COL25A1: variants seen among roughly 807,000 people sequenced by gnomAD.
The protein encoded by COL25A1 is collagen alpha-1(XXV) chain.
In COL25A1, 103 loss-of-function variants were observed where a neutral mutation model predicts 128.4. The observed-to-expected ratio is 0.80, with a 90% CI of 0.68 to 0.94. The LOEUF is 0.94. Among genes scored for constraint, COL25A1 ranks in the 40% least tolerant of loss-of-function variants. The probability of loss-of-function intolerance (pLI) is 0.00; values close to 1 mark genes in which losing one functional copy is unlikely to be tolerated. For missense variants in COL25A1, 745 were observed against 840.0 expected, an observed-to-expected ratio of 0.89 and a Z score of 1.40; for synonymous variants, 279 against 277.2, an observed-to-expected ratio of 1.01 and a Z score of -0.06.
At chr4:109,237,562 G>A (rs957803231) in intron 3 of COL25A1, among the ~76,000 whole-genome samples, 7 of 149,092 alleles carry the variant, frequency 4.7e-5, no homozygotes, top group African/African-American at 1.7e-4. Flanking sequence ...AAATTGGCAA[G>A]TTTCCACTGG....
chr4:108,892,203 A>G (rs1481255723), intron 16 of COL25A1, among the ~76,000 whole-genome samples: 1 of 152,210 alleles, frequency 6.6e-6, no homozygotes, highest in Non-Finnish European at 1.5e-5. Context: ...CGTCTTAAGT[A>G]TACTCTTAGC....
intron 36 of COL25A1, 123 bp downstream of exon 36, chr4:108,819,129 C>T: frequency 3.3e-6 from 2 of 613,608 alleles, no homozygotes; most frequent in Middle Eastern, 2.7e-4. Flanking sequence ...TGTTCATGCA[C>T]ATGCATGTAG....
At chr4:109,024,714 T>A (rs1227863739) in intron 5 of COL25A1, among the ~76,000 whole-genome samples, 1 of 152,232 alleles carries the variant, frequency 6.6e-6, no homozygotes, top group Non-Finnish European at 1.5e-5. Context: ...ATTAAGTTGT[T>A]AATTTTTTTC....
Position 109,053,152 on chromosome 4 carries a change from G to A in COL25A1, c.368-2973C>T, listed in dbSNP as rs79969310. ...TGAATTACAGAAAACAGAGAGAGAC[G>A]ACAAAACCAGATTGCTCTTCAGGAT... On this transcript the variant is annotated intron_variant, in intron 3 of 37. Coordinates refer to ENST00000399132, the MANE Select transcript of COL25A1 (RefSeq NM_198721.4). Among the ~76,000 whole-genome samples the A allele has an allele frequency of 4.8e-3, 725 of 152,094 alleles. 31 individuals carry two copies. In the East Asian group the frequency reaches 0.1, roughly 22 times the overall value.
intron 6 of COL25A1, 46 bp downstream of exon 6, chr4:109,010,312 G>T: frequency 6.7e-7 from 1 of 1,503,718 alleles, no homozygotes. Context: ...TCCACACTGG[G>T]AAAATCCTAA....
At chr4:108,982,541 A>G (rs1167977415) in intron 6 of COL25A1, among the ~76,000 whole-genome samples, 2 of 152,174 alleles carry the variant, frequency 1.3e-5, no homozygotes, top group Non-Finnish European at 2.9e-5. Flanking sequence ...AGCAACATAT[A>G]AAGCATTATA....
At chr4:108,960,430 A>G (rs1750556342) in intron 8 of COL25A1, among the ~76,000 whole-genome samples, 2 of 152,112 alleles carry the variant, frequency 1.3e-5, no homozygotes. Context: ...AAAATACAGT[A>G]ATTTTTGGTG....
chr4:109,044,519 A>T (rs1293843808), intron 5 of COL25A1, among the ~76,000 whole-genome samples: 1 of 152,098 alleles, frequency 6.6e-6, no homozygotes, highest in Non-Finnish European at 1.5e-5. Flanking sequence ...ATTGGAGCAC[A>T]TTTCATAATG....
chr4:108,908,305 C>T (rs1743773567), intron 13 of COL25A1, among the ~76,000 whole-genome samples: 1 of 152,154 alleles, frequency 6.6e-6, no homozygotes, highest in Non-Finnish European at 1.5e-5. Flanking sequence ...CTGAGTCTGT[C>T]TTCATCTTAC....
chr4:108,958,291 T>C (rs10005978), intron 8 of COL25A1, among the ~76,000 whole-genome samples: 46,100 of 151,818 alleles, frequency 0.3, 7,572 homozygotes, highest in South Asian at 0.46. Flanking sequence ...GAAATATTTA[T>C]AAGGGAAAAT....
At chr4:108,929,986 T>C (rs1283196549) in intron 11 of COL25A1, among the ~76,000 whole-genome samples, 4 of 152,184 alleles carry the variant, frequency 2.6e-5, no homozygotes, top group East Asian at 1.9e-4. Flanking sequence ...GATTTATTAA[T>C]TGATTAACTC....
intron 8 of COL25A1, among the ~76,000 whole-genome samples, chr4:108,944,433 A>G (rs1304209861): frequency 6.6e-6 from 1 of 152,186 alleles, no homozygotes; most frequent in Non-Finnish European, 1.5e-5. Context: ...TTATATATAA[A>G]CCTCATATTT....
At chr4:108,853,414 T>G (rs1014434713) in intron 24 of COL25A1, among the ~76,000 whole-genome samples, 2 of 151,958 alleles carry the variant, frequency 1.3e-5, no homozygotes, top group Non-Finnish European at 2.9e-5. Context: ...GTGCCATAAC[T>G]AAAGATATTA....
intron 19 of COL25A1, among the ~76,000 whole-genome samples, chr4:108,881,246 G>A (rs1740087673): frequency 6.6e-6 from 1 of 152,154 alleles, no homozygotes; most frequent in African/African-American, 2.4e-5. Context: ...ATAGATAGAT[G>A]AGTCTGCTGT....
rs1054752714 is a variant in COL25A1 at position 108,972,278 on chromosome 4, T to TA, written c.492+2088dup. The stretch of plus-strand genomic sequence containing the variant: ...GGTATTGGAATACAAACTCTACATT[T>TA]AAAAAAAAGAGAGCCTTTGGTCATC... On this transcript the variant is annotated intron_variant, in intron 8 of 37. Transcript: ENST00000399132. 2.6e-5 allele frequency among the ~76,000 whole-genome samples: 4 copies of TA among 151,910 alleles called. No homozygotes were observed. In the East Asian group the frequency reaches 5.8e-4, roughly 22 times the overall value.
chr4:109,206,117 A>G (rs545203659), intron 3 of COL25A1, among the ~76,000 whole-genome samples: 1 of 152,328 alleles, frequency 6.6e-6, no homozygotes, highest in Non-Finnish European at 1.5e-5. Context: ...AGATTAATAG[A>G]CAGCAACTTA....
chr4:108,886,486 G>GTTTTTTTTTT lies in COL25A1; in HGVS notation c.976-2265_976-2264insAAAAAAAAAA, dbSNP rs1199944880. Among the ~76,000 whole-genome samples the GTTTTTTTTTT allele has an allele frequency of 1.6e-3, 128 of 79,928 alleles. 1 individual carries two copies. The highest frequency in any genetic ancestry group is 5.0e-3 in the African/African-American group (117 of 23,258). 52.4% of individuals were successfully genotyped at this position (79,928 alleles called of 152,430 possible). A position where few individuals can be genotyped will look rare whatever the true frequency, so the allele number is the denominator to read the frequency against. On this transcript the variant is annotated intron_variant, in intron 18 of 37. Coordinates refer to ENST00000399132, the MANE Select transcript of COL25A1 (RefSeq NM_198721.4). ...TGTGTGTGTGTGTGTGTGTGTGTGT[G>GTTTTTTTTTT]TGTGTGTTTAGCTCATCAGCTATTT...
intron 3 of COL25A1, among the ~76,000 whole-genome samples, chr4:109,165,999 CTTT>C (rs1323035429): frequency 6.6e-6 from 1 of 152,000 alleles, no homozygotes; most frequent in East Asian, 1.9e-4. Flanking sequence ...AAAAAAATGA[CTTT>C]TTTAGTTGAG....
intron 24 of COL25A1, among the ~76,000 whole-genome samples, chr4:108,854,678 G>C (rs1736257084): frequency 6.6e-6 from 1 of 152,156 alleles, no homozygotes; most frequent in African/African-American, 2.4e-5. Context: ...TCTCATGCCA[G>C]TTAGAATGGC....
Sources: gnomAD v4.1 joint callset for allele counts (sites outside exome capture counted in the v4.1 genomes callset) on GRCh38, gnomAD v4.1.1 for gene constraint, MANE v1.5 for transcripts, NCBI Gene and HGNC (gene_info 2026-07-23, HGNC 2026-07-21) for gene names.